The following ATP10B variants were observed in gnomAD, a reference collection of about 807,000 sequenced individuals.
ATP10B encodes ATPase phospholipid transporting 10B (putative), also known as phospholipid-transporting ATPase VB.
In ATP10B, 122 loss-of-function variants were observed where a neutral mutation model predicts 141.2. The observed-to-expected ratio is 0.86, with a 90% CI of 0.75 to 1.00. ATP10B has a LOEUF of 1.00. Among genes scored for constraint, ATP10B ranks in the 50% least tolerant of loss-of-function variants. The pLI, the probability that ATP10B is intolerant of heterozygous loss-of-function variation, is 0.00. For synonymous variants in ATP10B, 685 were observed against 692.0 expected (o/e 0.99, Z 0.16); for missense variants, 1,876 against 1,825.3 (o/e 1.03, Z -0.51).
intron 24 of ATP10B, among the ~76,000 whole-genome samples, chr5:160,575,663 TTC>T (rs1171200688): frequency 2.6e-5 from 4 of 152,130 alleles, no homozygotes; most frequent in Non-Finnish European, 4.4e-5. Flanking sequence ...ACCCACTAAA[TTC>T]TTTTTTTCTT....
the ATP10B span, among the ~76,000 whole-genome samples, chr5:160,888,626 A>G: frequency 0.15 from 22,654 of 152,206 alleles, 1,962 homozygotes; most frequent in African/African-American, 0.23. Flanking sequence ...GGCAAGCAGC[A>G]AAACATTCAT....
At position 160,688,051 on chromosome 5, in the gene ATP10B, C is replaced by T. The variant is rs376201470; in HGVS notation, c.24G>A (p.Ser8=). MALSVDS[S]WHRWQWRVRD... ...TGACTCTCCACTGCCACCGATGCCA[C>T]GATGAGTCCACTGAGAGGGCCATTT... The change falls in exon 5 of 26, where the codon TCG becomes TCA. Residue 8 remains serine, a synonymous_variant. Transcript: ENST00000327245. The T allele has an allele frequency of 4.2e-5, 68 of 1,613,142 alleles. 1 individual carries two copies. The highest frequency in any genetic ancestry group is 1.8e-4 in the Middle Eastern group (1 of 5,646).
intron 17 of ATP10B, among the ~76,000 whole-genome samples, chr5:160,613,294 A>AGT (rs766958760): frequency 2.0e-5 from 3 of 152,164 alleles, no homozygotes; most frequent in Non-Finnish European, 2.9e-5. Flanking sequence ...TAGAGGGATC[A>AGT]GTGTGTGTGA....
upstream of ATP10B, among the ~76,000 whole-genome samples, chr5:160,856,631 G>A (rs75836078): frequency 3.2e-3 from 485 of 151,830 alleles, 26 homozygotes; most frequent in East Asian, 0.073. Flanking sequence ...TATAATGTTA[G>A]CTGTATATTG....
At chr5:160,628,282 G>A (rs1758713237) in intron 13 of ATP10B, among the ~76,000 whole-genome samples, 1 of 152,234 alleles carries the variant, frequency 6.6e-6, no homozygotes, top group Admixed American at 6.5e-5. Flanking sequence ...GTGTCACTGA[G>A]GCTGGGTCCC....
the ATP10B span, among the ~76,000 whole-genome samples, chr5:160,864,317 G>A: frequency 5.3e-5 from 8 of 151,724 alleles, no homozygotes; most frequent in Admixed American, 1.3e-4. Context: ...AAAGAGAATC[G>A]AAAACAAAAA....
At chr5:160,592,668 A>AG (rs939936909) in intron 22 of ATP10B, among the ~76,000 whole-genome samples, 47 of 152,244 alleles carry the variant, frequency 3.1e-4, no homozygotes, top group African/African-American at 9.4e-4. Flanking sequence ...AGTCAAAGAA[A>AG]GGGGTGACAG....
At chr5:160,630,744 A>G (rs1758874454) in intron 13 of ATP10B, among the ~76,000 whole-genome samples, 1 of 152,216 alleles carries the variant, frequency 6.6e-6, no homozygotes, top group African/African-American at 2.4e-5. Context: ...GGATCATTTC[A>G]CTTGTGTATT....
Position 160,564,497 on chromosome 5 carries a change from A to T in ATP10B, c.*956T>A, listed in dbSNP as rs1160100565. The T allele has an allele frequency of 3.9e-5, 6 of 152,048 alleles. No homozygotes were observed. Among genetic ancestry groups the T allele is most frequent in the African/African-American group, 1.4e-4 (6 of 41,392 alleles). 9.4% of individuals were successfully genotyped at this position (152,048 alleles called of 1,614,324 possible). ...TGGAATAGGCTGAATGGGGTTTCAG[A>T]TTAGTTCTACCCTTGAAGATGTCAT... On this transcript the variant is annotated 3_prime_UTR_variant, in exon 26 of 26. Transcript: ENST00000327245.
intron 2 of ATP10B, among the ~76,000 whole-genome samples, chr5:160,735,529 A>C (rs1767050230): frequency 6.6e-6 from 1 of 152,070 alleles, no homozygotes. Context: ...AGAGAGATAG[A>C]CCCCAATACA....
At chr5:160,863,119 T>G in the ATP10B span, among the ~76,000 whole-genome samples, 2 of 151,982 alleles carry the variant, frequency 1.3e-5, no homozygotes, top group Non-Finnish European at 2.9e-5. Flanking sequence ...ACAGGTTCAC[T>G]TTAATCTTTT....
rs77781732 is a variant in ATP10B, at chr5:160,812,167, C to G, written c.-575-26364G>C. On this transcript the variant is annotated intron_variant, in intron 1 of 25. Coordinates refer to ENST00000327245, the MANE Select transcript of ATP10B (RefSeq NM_025153.3). ...TCCAGGTCTTATTCAAGACCATCAA[C>G]GTGGTACCTCTACAAGTCTGTAAGA... Among the ~76,000 whole-genome samples the G allele has an allele frequency of 7.0e-3, 1,059 of 152,202 alleles. 17 individuals are homozygous for G. The highest frequency in any genetic ancestry group is 0.024 in the African/African-American group (998 of 41,514).
intron 24 of ATP10B, 133 bp downstream of exon 24, chr5:160,589,459 A>G: frequency 2.8e-6 from 2 of 703,418 alleles, no homozygotes; most frequent in South Asian, 1.7e-5. Flanking sequence ...CTGTACAGGT[A>G]GGACATAGGG....
In ATP10B at chr5:160,742,578, A is replaced by G. The variant is rs533109198; in HGVS notation, c.-330-25544T>C. Among the ~76,000 whole-genome samples, 3 of 152,310 alleles carry G rather than the reference A, an allele frequency of 2.0e-5. No individual in the cohort carries two copies. The South Asian group carries it at 6.2e-4, about 32-fold the overall frequency. On this transcript the variant is annotated intron_variant, in intron 2 of 25. Transcript: ENST00000327245. ...TCTTTGCTTTTCACTTGCTGAGCAA[A>G]TAGGTATTGTCAAAGAAACACGTTC... is the stretch of plus-strand genomic sequence containing the variant.
chr5:160,768,843 C>T (rs1273083368), intron 2 of ATP10B, among the ~76,000 whole-genome samples: 1 of 152,146 alleles, frequency 6.6e-6, no homozygotes, highest in Non-Finnish European at 1.5e-5. Flanking sequence ...TTCACAAATG[C>T]TGAGAACACA....
chr5:160,743,091 A>G (rs1231233300), intron 2 of ATP10B, among the ~76,000 whole-genome samples: 2 of 152,194 alleles, frequency 1.3e-5, no homozygotes, highest in East Asian at 3.8e-4. Flanking sequence ...TATTTTATTA[A>G]ATCTTCACCA....
upstream of ATP10B, among the ~76,000 whole-genome samples, chr5:160,856,169 G>A (rs1298514171): frequency 6.6e-6 from 1 of 151,784 alleles, no homozygotes; most frequent in East Asian, 1.9e-4. Flanking sequence ...GGGAAAAATG[G>A]ACATCTTTAC....
At chr5:160,773,934 C>G (rs1770092401) in intron 2 of ATP10B, among the ~76,000 whole-genome samples, 1 of 152,160 alleles carries the variant, frequency 6.6e-6, no homozygotes, top group Admixed American at 6.5e-5. Context: ...TATGGTGGCT[C>G]TGAAAGCTCA....
chr5:160,607,058 G>A lies in ATP10B; in HGVS notation c.2867C>T (p.Ala956Val), dbSNP rs773107493. 6.2e-7 allele frequency: 1 copy of A among 1,613,880 alleles called. No individual in the cohort carries two copies. Among genetic ancestry groups the A allele is most frequent in the Admixed American group, 1.7e-5 (1 of 60,008 alleles). The change falls in exon 19 of 26, where the codon GCA (alanine) becomes GTA (valine). Residue 956 changes from alanine (A) to valine (V), a missense_variant. Coordinates refer to ENST00000327245, the MANE Select transcript of ATP10B (RefSeq NM_025153.3). ...ACGAAATTGCTTTAGCTCTTCCAAT[G>A]CACAATTGAGGATGGATTCACAGGT... The part of the protein sequence containing the change: ...QETCESILNC[A>V]LEELKQFREL...
Sources: allele counts gnomAD v4.1 joint callset (sites outside exome capture counted in the v4.1 genomes callset), GRCh38; gene constraint gnomAD v4.1.1; transcripts MANE v1.5; gene names NCBI Gene and HGNC (gene_info 2026-07-23, HGNC 2026-07-21).